CDV3: variants seen among roughly 807,000 people sequenced by gnomAD.
CDV3 encodes the protein CDV3 homolog.
Under a neutral mutation model 24.5 loss-of-function variants are expected in CDV3, and 14 were observed. That is an observed-to-expected ratio of 0.57 (90% CI 0.38 to 0.89). CDV3 has a LOEUF of 0.89. CDV3 is among the 40% of genes least tolerant of loss of function. The pLI is 0.00. For synonymous variants in CDV3, 114 were observed against 114.1 expected, an observed-to-expected ratio of 1.00 and a Z score of 0.00; for missense variants, 304 against 310.2, an observed-to-expected ratio of 0.98 and a Z score of 0.15.
intron 4 of CDV3, among the ~76,000 whole-genome samples, chr3:133,586,950 AAGTTT>A (rs754860727): frequency 9.9e-5 from 15 of 152,190 alleles, no homozygotes; most frequent in Non-Finnish European, 1.8e-4. Flanking sequence ...CTGTCTGCAA[AAGTTT>A]ATCTTAGCCC....
intron 2 of CDV3, among the ~76,000 whole-genome samples, chr3:133,579,722 A>T (rs1576643709): frequency 1.3e-5 from 2 of 152,064 alleles, no homozygotes; most frequent in Middle Eastern, 3.4e-3. Context: ...CCTCCCAAGT[A>T]GCTGGGATTA....
intron 2 of CDV3, among the ~76,000 whole-genome samples, chr3:133,575,912 G>A (rs2074787588): frequency 6.6e-6 from 1 of 152,164 alleles, no homozygotes; most frequent in Admixed American, 6.5e-5. Flanking sequence ...TCTGCTGTAA[G>A]ATGAAAAAAT....
chr3:133,574,039 G>C lies in CDV3; in HGVS notation c.-6G>C. 1 of 1,174,030 alleles carries C rather than the reference G, an allele frequency of 8.5e-7. No individual in the cohort carries two copies. The highest frequency in any genetic ancestry group is 1.1e-6 in the Non-Finnish European group (1 of 929,776). The allele number at this position is 1,174,030 out of a possible 1,614,324, so 72.7% of individuals were successfully genotyped here. A position where few individuals can be genotyped will look rare whatever the true frequency, so the allele number is the denominator to read the frequency against. On this transcript the variant is annotated 5_prime_UTR_variant, in exon 1 of 5. Coordinates refer to ENST00000264993, the MANE Select transcript of CDV3 (RefSeq NM_017548.5). ...CCCACCCATCCGGGTCGAGGAGGCC[G>C]AGGCCATGGCTGAGACGGAGGAGCG...
At chr3:133,580,730 A>ACTGTGTTG (rs1379684098) in intron 2 of CDV3, among the ~76,000 whole-genome samples, 7 of 152,052 alleles carry the variant, frequency 4.6e-5, no homozygotes, top group Non-Finnish European at 1.0e-4. Context: ...ACAGAGTCTC[A>ACTGTGTTG]CTGTGTTGCT....
chr3:133,575,742 T>C (rs150486170), intron 2 of CDV3, among the ~76,000 whole-genome samples: 28 of 152,336 alleles, frequency 1.8e-4, no homozygotes, highest in African/African-American at 5.8e-4. Context: ...TTTTTTAAAG[T>C]TCAAAAAAAT....
rs753800188 is a variant in CDV3 at position 133,589,715 on chromosome 3, G to A, written c.*1669G>A. 2 of 152,534 alleles carry A rather than the reference G, an allele frequency of 1.3e-5. No homozygotes were observed. Among genetic ancestry groups the A allele is most frequent in the Non-Finnish European group, 2.9e-5 (2 of 68,046 alleles). 9.4% of individuals were successfully genotyped at this position (152,534 alleles called of 1,614,324 possible). A position where few individuals can be genotyped will look rare whatever the true frequency, so the allele number is the denominator to read the frequency against. ...AGTGTCCGTGCAGGAATTGGACTCC[G>A]AGGAGGGTTACAGTATCTCCTGACG... On this transcript the variant is annotated 3_prime_UTR_variant, in exon 5 of 5. Coordinates refer to ENST00000264993, the MANE Select transcript of CDV3 (RefSeq NM_017548.5).
At chr3:133,587,257 G>T in intron 4 of CDV3, 2 of 1,286,820 alleles carry the variant, frequency 1.6e-6, no homozygotes, top group South Asian at 3.0e-5. Flanking sequence ...AAATAAAATG[G>T]GAAGAAATGT....
At chr3:133,585,433 G>A (rs568201470) in intron 3 of CDV3, among the ~76,000 whole-genome samples, 3 of 151,586 alleles carry the variant, frequency 2.0e-5, no homozygotes, top group African/African-American at 4.8e-5. Flanking sequence ...TGCCCGCCTC[G>A]GCCTCCCAAA....
At chr3:133,579,870 G>A (rs2074950869) in intron 2 of CDV3, among the ~76,000 whole-genome samples, 1 of 152,168 alleles carries the variant, frequency 6.6e-6, no homozygotes, top group African/African-American at 2.4e-5. Context: ...TGGGATTACA[G>A]GCATGAGCCA....
chr3:133,588,709 A>C lies in CDV3; in HGVS notation c.*663A>C. 1 of 251,100 alleles carries C rather than the reference A, an allele frequency of 4.0e-6. No individual in the cohort carries two copies. 15.6% of individuals were successfully genotyped at this position (251,100 alleles called of 1,614,324 possible). On this transcript the variant is annotated 3_prime_UTR_variant, in exon 5 of 5. Coordinates refer to ENST00000264993, the MANE Select transcript of CDV3 (RefSeq NM_017548.5). ...GGGCTGTGATTTGTAATTTAAACTAATTGTATTCTGAGGTAACCACAAAAT... is the reference window on the plus strand; with the variant it reads ...GGGCTGTGATTTGTAATTTAAACTACTTGTATTCTGAGGTAACCACAAAAT...
rs1335845415 is a variant in CDV3, at chr3:133,586,590, CTAG to C, written c.496_498del (p.Ser166del). On this transcript the variant is annotated inframe_deletion, in exon 4 of 5. Transcript: ENST00000264993. ...ACAGAAACCCCAGAACCAGCGATGA[CTAG>C]TGGTGTGTATAGGCCTCCTGGGGCC... 1 of 1,596,074 alleles carries C rather than the reference CTAG, an allele frequency of 6.3e-7. No homozygotes were observed. Among genetic ancestry groups the C allele is most frequent in the East Asian group, 2.2e-5 (1 of 44,786 alleles).
At chr3:133,580,146 G>T (rs2074960528) in intron 2 of CDV3, among the ~76,000 whole-genome samples, 1 of 151,748 alleles carries the variant, frequency 6.6e-6, no homozygotes, top group Non-Finnish European at 1.5e-5. Context: ...ACAGGCCCTG[G>T]TGTGTGATGT....
Position 133,587,967 on chromosome 3 carries a change from A to T in CDV3, c.698A>T (p.Asn233Ile). Residue 233 changes from asparagine (N) to isoleucine (I), a missense_variant, in exon 5 of 5, where the codon AAC becomes ATC. Coordinates refer to ENST00000264993, the MANE Select transcript of CDV3 (RefSeq NM_017548.5). ...AGAGGTAGGGATGAGGTTTCAAAAA[A>T]CCAGGCCCTTAAACTTCAGCTAGAC... Reference protein sequence around the residue: ...KNRGRDEVSKNQALKLQLDNQ... With the variant: ...KNRGRDEVSKIQALKLQLDNQ... 1.2e-6 allele frequency: 2 copies of T among 1,614,116 alleles called. No homozygotes were observed. Among genetic ancestry groups the T allele is most frequent in the Non-Finnish European group, 1.7e-6 (2 of 1,179,966 alleles).
At chr3:133,579,432 A>G (rs1046390636) in intron 2 of CDV3, among the ~76,000 whole-genome samples, 5 of 152,332 alleles carry the variant, frequency 3.3e-5, no homozygotes, top group South Asian at 2.1e-4. Flanking sequence ...TTGTTCTGCT[A>G]TGACATTTGG....
chr3:133,587,594 G>T (rs529507877), intron 4 of CDV3: 1 of 1,123,864 alleles, frequency 8.9e-7, no homozygotes, highest in East Asian at 4.8e-5. Flanking sequence ...CTAAAAGTAA[G>T]AGTCTTAGGA....
Position 133,575,262 on chromosome 3 carries a change from TTCTC to T in CDV3, c.317+148_317+151del. On this transcript the variant is annotated intron_variant, in intron 2 of 4. Coordinates refer to ENST00000264993, the MANE Select transcript of CDV3 (RefSeq NM_017548.5). ...GACTCAAATGGGTTCTGTCTACTCT[TTCTC>T]ACTCCATGGAGGCAGCCCTTCCGTG... is the stretch of plus-strand genomic sequence containing the variant. 5.5e-6 allele frequency: 3 copies of T among 544,062 alleles called. No individual in the cohort carries two copies. In the South Asian group the frequency reaches 7.3e-5, roughly 13 times the overall value. The allele number at this position is 544,062 out of a possible 1,614,324, so 33.7% of individuals were successfully genotyped here. A position where few individuals can be genotyped will look rare whatever the true frequency, so the allele number is the denominator to read the frequency against.
intron 2 of CDV3, among the ~76,000 whole-genome samples, chr3:133,583,604 C>T (rs964349110): frequency 6.6e-6 from 1 of 152,114 alleles, no homozygotes; most frequent in African/African-American, 2.4e-5. Context: ...GCTCTGTCGC[C>T]CAGGAGGGAG....
intron 2 of CDV3, among the ~76,000 whole-genome samples, chr3:133,583,610 G>A (rs1356596485): frequency 6.6e-6 from 1 of 152,072 alleles, no homozygotes; most frequent in Non-Finnish European, 1.5e-5. Flanking sequence ...TCGCCCAGGA[G>A]GGAGTGCAGT....
In CDV3 at chr3:133,579,913, C is replaced by T. The variant is rs373035736; in HGVS notation, c.318-4089C>T. Among the ~76,000 whole-genome samples, 20 of 152,228 alleles carry T rather than the reference C, an allele frequency of 1.3e-4. 2 individuals carry two copies. Among genetic ancestry groups the T allele is most frequent in the African/African-American group, 2.4e-4 (10 of 41,548 alleles). The stretch of plus-strand genomic sequence containing the variant: ...CGGCTGATAAAGAGTCTTGACTAGA[C>T]AATTTCCACATGTTTAGTTTAGCTA... On this transcript the variant is annotated intron_variant, in intron 2 of 4. Coordinates refer to ENST00000264993, the MANE Select transcript of CDV3 (RefSeq NM_017548.5).
Sources: gnomAD v4.1 joint callset for allele counts (sites outside exome capture counted in the v4.1 genomes callset) on GRCh38, gnomAD v4.1.1 for gene constraint, MANE v1.5 for transcripts, NCBI Gene and HGNC (gene_info 2026-07-23, HGNC 2026-07-21) for gene names.